Variants in UBE2L3 observed in about 807,000 individuals in gnomAD.
UBE2L3 encodes the protein ubiquitin conjugating enzyme E2 L3.
A neutral mutation model predicts 17.8 loss-of-function variants in UBE2L3; 1 was observed. The ratio of observed to expected loss-of-function variants is 0.06; its 90% CI spans 0.02 to 0.27. The LOEUF is 0.27. UBE2L3 is among the 10% of genes least tolerant of loss of function. The pLI, the probability that UBE2L3 is intolerant of heterozygous loss-of-function variation, is 1.00. For missense variants in UBE2L3, 40 were observed against 192.6 expected (o/e 0.21, Z 4.69); for synonymous variants, 44 against 68.5 (o/e 0.64, Z 1.76).
intron 3 of UBE2L3, among the ~76,000 whole-genome samples, chr22:21,617,472 G>T (rs981657193): frequency 1.3e-5 from 2 of 152,022 alleles, no homozygotes; most frequent in Admixed American, 1.3e-4. Context: ...TCACCATATT[G>T]CCCAGGCTGG....
rs964551347 is a variant in UBE2L3, at chr22:21,592,974, C to G, written c.123+18C>G. 2 of 1,589,762 alleles carry G rather than the reference C, an allele frequency of 1.3e-6. No individual in the cohort carries two copies. The highest frequency in any genetic ancestry group is 1.7e-6 in the Non-Finnish European group (2 of 1,158,056). On this transcript the variant is annotated intron_variant, in intron 2 of 3. Coordinates refer to ENST00000342192, the MANE Select transcript of UBE2L3 (RefSeq NM_003347.4). ...TTGTTCCTGTGAGTATTGAACACTT[C>G]CACTTCCTACCAGATTATTCTTTAA...
intron 3 of UBE2L3, among the ~76,000 whole-genome samples, chr22:21,613,366 A>AT (rs1209833064): frequency 6.6e-6 from 1 of 151,552 alleles, no homozygotes; most frequent in African/African-American, 2.4e-5. Context: ...GCAGCTTTTA[A>AT]TTTTTTTTTG....
intron 2 of UBE2L3, among the ~76,000 whole-genome samples, chr22:21,600,486 G>A (rs757866900): frequency 2.6e-5 from 4 of 151,376 alleles, no homozygotes; most frequent in East Asian, 2.0e-4. Context: ...ACTTGAGGTC[G>A]GGAGTTCAAG....
At chr22:21,595,601 TC>T (rs1928471335) in intron 2 of UBE2L3, among the ~76,000 whole-genome samples, 2 of 152,220 alleles carry the variant, frequency 1.3e-5, no homozygotes, top group African/African-American at 2.4e-5. Flanking sequence ...GGGAGGTACT[TC>T]CTAGAGACTT....
At chr22:21,573,238 C>CTGGG (rs1418381498) in intron 1 of UBE2L3, among the ~76,000 whole-genome samples, 1 of 152,118 alleles carries the variant, frequency 6.6e-6, no homozygotes, top group Non-Finnish European at 1.5e-5. Context: ...GAGGATGAGG[C>CTGGG]TGGGACTCTG....
At chr22:21,570,563 C>T (rs1051811794) in intron 1 of UBE2L3, among the ~76,000 whole-genome samples, 2 of 152,114 alleles carry the variant, frequency 1.3e-5, no homozygotes, top group African/African-American at 2.4e-5. Context: ...TGCCTCTTGT[C>T]AGGCTGTCTT....
intron 1 of UBE2L3, among the ~76,000 whole-genome samples, chr22:21,561,730 G>T (rs1044849915): frequency 1.3e-5 from 2 of 152,252 alleles, no homozygotes; most frequent in African/African-American, 4.8e-5. Context: ...TGGGCACAGT[G>T]GGGGGTGTGA....
At chr22:21,597,272 G>A (rs1601422864) in intron 2 of UBE2L3, among the ~76,000 whole-genome samples, 1 of 152,080 alleles carries the variant, frequency 6.6e-6, no homozygotes, top group Non-Finnish European at 1.5e-5. Context: ...GAGCCACCGT[G>A]CCTGGCCTGA....
intron 1 of UBE2L3, among the ~76,000 whole-genome samples, chr22:21,578,871 C>T (rs1487551251): frequency 6.6e-6 from 1 of 152,100 alleles, no homozygotes; most frequent in African/African-American, 2.4e-5. Context: ...CTGCCTTTGA[C>T]TCCTTAGTGT....
intron 3 of UBE2L3, among the ~76,000 whole-genome samples, chr22:21,613,039 C>T (rs1211130235): frequency 6.6e-6 from 1 of 152,172 alleles, no homozygotes; most frequent in Non-Finnish European, 1.5e-5. Context: ...CGAGTCATGT[C>T]TGTTAACCCA....
chr22:21,612,643 C>CTTTTTTTTTTTTTTTTTTTTTTTTTT (rs57678378), intron 3 of UBE2L3, among the ~76,000 whole-genome samples: 3 of 52,492 alleles, frequency 5.7e-5, no homozygotes, highest in Non-Finnish European at 1.1e-4. Flanking sequence ...CTTTTCTTTT[C>CTTTTTTTTTTTTTTTTTTTTTTTTTT]TTTTTTTTTT....
intron 1 of UBE2L3, among the ~76,000 whole-genome samples, chr22:21,587,731 G>T (rs1333835251): frequency 6.6e-6 from 1 of 152,168 alleles, no homozygotes; most frequent in Admixed American, 6.5e-5. Context: ...TTCTGCTGGG[G>T]CCCAGGGCCC....
At position 21,575,258 on chromosome 22, in the gene UBE2L3, CAAAAAAAAA is replaced by C. The variant is rs999280735; in HGVS notation, c.27+7498_27+7506del. ...TGGGCAACAGAGTAAGACTCCATCT[CAAAAAAAAA>C]AAAAAAAAAAGAAAAGGAAAAAGAA... On this transcript the variant is annotated intron_variant, in intron 1 of 3. Coordinates refer to ENST00000342192, the MANE Select transcript of UBE2L3 (RefSeq NM_003347.4). Among the ~76,000 whole-genome samples, 10 of 52,738 alleles carry C rather than the reference CAAAAAAAAA, an allele frequency of 1.9e-4. No individual in the cohort carries two copies. The South Asian group carries it at 1.9e-3, about 10-fold the overall frequency. 34.6% of individuals were successfully genotyped at this position (52,738 alleles called of 152,430 possible).
intron 1 of UBE2L3, among the ~76,000 whole-genome samples, chr22:21,589,390 G>A (rs1928135472): frequency 6.6e-6 from 1 of 151,532 alleles, no homozygotes; most frequent in South Asian, 2.1e-4. Context: ...CTCGTGATCC[G>A]CCCACCTCGG....
At chr22:21,614,071 G>T (rs1929642301) in intron 3 of UBE2L3, among the ~76,000 whole-genome samples, 1 of 152,194 alleles carries the variant, frequency 6.6e-6, no homozygotes, top group African/African-American at 2.4e-5. Context: ...AGGTTGCTGA[G>T]TCCCCTTGCT....
chr22:21,619,129 C>T (rs533079980), intron 3 of UBE2L3, among the ~76,000 whole-genome samples: 2 of 152,286 alleles, frequency 1.3e-5, no homozygotes, highest in African/African-American at 4.8e-5. Flanking sequence ...ATTTCCAGCC[C>T]TGAAGTCAAG....
At chr22:21,575,482 T>C (rs903688338) in intron 1 of UBE2L3, among the ~76,000 whole-genome samples, 5 of 128,720 alleles carry the variant, frequency 3.9e-5, no homozygotes, top group African/African-American at 1.4e-4. Context: ...CCAGCTACTC[T>C]GGAGGCTGAG....
upstream of UBE2L3, chr22:21,567,700 G>T: frequency 6.4e-7 from 1 of 1,563,530 alleles, no homozygotes; most frequent in East Asian, 2.3e-5. Context: ...CAGCCGCCCG[G>T]CCGGCCGCGA....
At chr22:21,600,209 A>ATTCTCCC (rs1928780055) in intron 2 of UBE2L3, among the ~76,000 whole-genome samples, 1 of 152,082 alleles carries the variant, frequency 6.6e-6, no homozygotes, top group Admixed American at 6.6e-5. Flanking sequence ...GCAATTTGGG[A>ATTCTCCC]GGCTCAGCCA....
Sources: allele counts gnomAD v4.1 joint callset (sites outside exome capture counted in the v4.1 genomes callset), GRCh38; gene constraint gnomAD v4.1.1; transcripts MANE v1.5; gene names NCBI Gene and HGNC (gene_info 2026-07-23, HGNC 2026-07-21).